ELFN1: variants seen among roughly 807,000 people sequenced by gnomAD.
ELFN1 encodes the protein extracellular leucine rich repeat and fibronectin type III domain containing 1.
ELFN1 carries 6 observed loss-of-function variants against 7.6 expected under a neutral mutation model. The observed-to-expected ratio is 0.79, with a 90% confidence interval of 0.43 to 1.56. The LOEUF (loss-of-function observed/expected upper bound fraction) is 1.56, where lower values mean the gene tolerates loss of function less well. ELFN1 is among the 40% of genes most tolerant of loss of function. ELFN1 has a pLI of 0.01. For synonymous variants in ELFN1, 657 were observed against 588.1 expected, an observed-to-expected ratio of 1.12 and a Z score of -1.70; for missense variants, 1,169 against 1,232.2, an observed-to-expected ratio of 0.95 and a Z score of 0.77.
intron 3 of ELFN1, among the ~76,000 whole-genome samples, chr7:1,731,761 T>C (rs1780329558): frequency 6.6e-6 from 1 of 152,230 alleles, no homozygotes; most frequent in African/African-American, 2.4e-5. Flanking sequence ...ACGATTCTCC[T>C]GTCTCAGCCT....
At chr7:1,724,048 C>T (rs1191635150) in intron 3 of ELFN1, among the ~76,000 whole-genome samples, 1 of 152,244 alleles carries the variant, frequency 6.6e-6, no homozygotes, top group Non-Finnish European at 1.5e-5. Flanking sequence ...AGGCCCCGGC[C>T]CCACCACTTA....
chr7:1,671,586 T>G (rs1004812255), intron 1 of ELFN1, among the ~76,000 whole-genome samples: 1 of 152,190 alleles, frequency 6.6e-6, no homozygotes, highest in Non-Finnish European at 1.5e-5. Context: ...GGCTGCCCCC[T>G]AGAGAGGCCC....
Position 1,746,271 on chromosome 7 carries a change from G to T in ELFN1, c.1675G>T (p.Ala559Ser). 1 of 1,595,546 alleles carries T rather than the reference G, an allele frequency of 6.3e-7. No homozygotes were observed. The highest frequency in any genetic ancestry group is 8.5e-7 in the Non-Finnish European group (1 of 1,172,368). Residue 559 changes from alanine to serine, a missense_variant, in exon 4 of 4, where the codon GCC becomes TCC. Coordinates refer to ENST00000424383, the MANE Select transcript of ELFN1 (RefSeq NM_001128636.4). ...QSSVAEISTI[A>S]KEVDKVNQII... Reference sequence around the variant, plus strand: ...TTCGGTGGCCGAGATCTCCACCATCGCCAAGGAGGTGGACAAGGTCAACCA... The same window carrying T: ...TTCGGTGGCCGAGATCTCCACCATCTCCAAGGAGGTGGACAAGGTCAACCA...
intron 3 of ELFN1, among the ~76,000 whole-genome samples, chr7:1,716,837 G>A (rs1338210504): frequency 6.6e-6 from 1 of 152,186 alleles, no homozygotes; most frequent in Non-Finnish European, 1.5e-5. Flanking sequence ...CTGGCTTGAC[G>A]GCAGCCATGG....
At chr7:1,736,866 C>T (rs1421325709) in intron 3 of ELFN1, among the ~76,000 whole-genome samples, 1 of 152,138 alleles carries the variant, frequency 6.6e-6, no homozygotes, top group African/African-American at 2.4e-5. Flanking sequence ...GAGGGTCTCC[C>T]AGGAGAGGGT....
intron 2 of ELFN1, among the ~76,000 whole-genome samples, chr7:1,707,791 A>G (rs1170578653): frequency 6.6e-6 from 1 of 152,042 alleles, no homozygotes; most frequent in Non-Finnish European, 1.5e-5. Flanking sequence ...CTAACCCACA[A>G]TTTTAGGTAA....
intron 3 of ELFN1, among the ~76,000 whole-genome samples, chr7:1,728,583 C>T (rs531028479): frequency 6.6e-6 from 1 of 152,228 alleles, no homozygotes; most frequent in African/African-American, 2.4e-5. Flanking sequence ...GCTCAGACCC[C>T]CCACCTTTCC....
chr7:1,672,339 G>C (rs934832539), intron 1 of ELFN1, among the ~76,000 whole-genome samples: 1 of 152,100 alleles, frequency 6.6e-6, no homozygotes, highest in Non-Finnish European at 1.5e-5. Flanking sequence ...CCCCACACCT[G>C]GGCCAGGGAG....
chr7:1,738,351 C>A (rs1687769062), intron 3 of ELFN1, among the ~76,000 whole-genome samples: 1 of 152,154 alleles, frequency 6.6e-6, no homozygotes, highest in African/African-American at 2.4e-5. Context: ...ATGCAGGACC[C>A]CCTGTGGGTT....
Position 1,673,036 on chromosome 7 carries a change from G to A in ELFN1, c.-549+2682G>A, listed in dbSNP as rs1583304001. ...AAATTTCCAGGCGTGAACCTGGAGC[G>A]GATGGTGGCACCGCCGCGGACATTG... is the stretch of plus-strand genomic sequence containing the variant. On this transcript the variant is annotated intron_variant, in intron 1 of 3. Coordinates refer to ENST00000424383, the MANE Select transcript of ELFN1 (RefSeq NM_001128636.4). The surrounding 1 kb of genome is among the most constrained non-coding windows in gnomAD (Gnocchi z 4.7). Among the ~76,000 whole-genome samples, 1 of 152,102 alleles carries A rather than the reference G, an allele frequency of 6.6e-6. No individual in the cohort carries two copies. The highest frequency in any genetic ancestry group is 6.5e-5 in the Admixed American group (1 of 15,272).
Position 1,670,301 on chromosome 7 carries a change from T to C in ELFN1, c.-602T>C, listed in dbSNP as rs893488092. Among the ~76,000 whole-genome samples the C allele has an allele frequency of 6.6e-6, 1 of 150,710 alleles. No homozygotes were observed. Among genetic ancestry groups the C allele is most frequent in the African/African-American group, 2.4e-5 (1 of 40,968 alleles). Reference sequence around the variant, plus strand: ...CAATCCCGGGAGCGAAGTTAGAGCTTGAAGGACGGCGGCGGCTGCGGGCGC... The same window carrying C: ...CAATCCCGGGAGCGAAGTTAGAGCTCGAAGGACGGCGGCGGCTGCGGGCGC... On this transcript the variant is annotated 5_prime_UTR_variant, in exon 1 of 4. Coordinates refer to ENST00000424383, the MANE Select transcript of ELFN1 (RefSeq NM_001128636.4). The surrounding 1 kb of genome is among the most constrained non-coding windows in gnomAD (Gnocchi z 6.4).
chr7:1,746,341 C>T lies in ELFN1; in HGVS notation c.1745C>T (p.Ser582Phe), dbSNP rs1562392786. 2 of 1,544,364 alleles carry T rather than the reference C, an allele frequency of 1.3e-6. No individual in the cohort carries two copies. ...GACGCGCTCAAGTCCGAGTCCACCT[C>T]CTTCCAGGGCGTCAAGTCGGGGCCC... is the stretch of plus-strand genomic sequence containing the variant. ...CIDALKSEST[S>F]FQGVKSGPVS... The change falls in exon 4 of 4, where the codon TCC becomes TTC. Residue 582 changes from serine (S) to phenylalanine (F), a missense_variant. By Grantham distance (155) the Ser-to-Phe change is radical. Coordinates refer to ENST00000424383, the MANE Select transcript of ELFN1 (RefSeq NM_001128636.4).
intron 2 of ELFN1, among the ~76,000 whole-genome samples, chr7:1,700,805 C>G (rs775262850): frequency 1.3e-5 from 2 of 152,310 alleles, no homozygotes; most frequent in South Asian, 4.1e-4. Context: ...GCCGGTCTGG[C>G]GGGTGTGTCC....
Position 1,721,682 on chromosome 7 carries a change from C to T in ELFN1, c.-294+12430C>T, listed in dbSNP as rs532161273. 6.6e-5 allele frequency among the ~76,000 whole-genome samples: 10 copies of T among 152,322 alleles called. No homozygotes were observed. In the South Asian group the frequency reaches 2.1e-3, roughly 32 times the overall value. On this transcript the variant is annotated intron_variant, in intron 3 of 3. Transcript: ENST00000424383. ...GTGTTTCCTCAGTGCCCAGAGGAAGCCGGGCCTGTCAGGGTCGAGGAGGGT... is the reference window on the plus strand; with the variant it reads ...GTGTTTCCTCAGTGCCCAGAGGAAGTCGGGCCTGTCAGGGTCGAGGAGGGT...
chr7:1,745,911 T>G lies in ELFN1; in HGVS notation c.1315T>G (p.Cys439Gly). The change falls in exon 4 of 4, where the codon TGC becomes GGC. Residue 439 changes from cysteine (C) to glycine (G), a missense_variant. Transcript: ENST00000424383. Reference protein sequence around the residue: ...MVLVLGAVYYCLRRRRRQEEK... With the variant: ...MVLVLGAVYYGLRRRRRQEEK... ...GCTGGTGCTGGGCGCCGTCTACTAC[T>G]GCCTGCGCAGGCGGCGGCGCCAGGA... is the stretch of plus-strand genomic sequence containing the variant. 3 of 1,579,740 alleles carry G rather than the reference T, an allele frequency of 1.9e-6. No homozygotes were observed. Among genetic ancestry groups the G allele is most frequent in the Non-Finnish European group, 2.6e-6 (3 of 1,164,760 alleles).
intron 3 of ELFN1, among the ~76,000 whole-genome samples, chr7:1,737,632 G>A (rs1341098099): frequency 6.6e-6 from 1 of 152,118 alleles, no homozygotes; most frequent in Non-Finnish European, 1.5e-5. Context: ...TCCATCGGGG[G>A]CATTCCCGCT....
intron 3 of ELFN1, among the ~76,000 whole-genome samples, chr7:1,731,932 G>A (rs1019538103): frequency 6.6e-6 from 1 of 152,234 alleles, no homozygotes; most frequent in Non-Finnish European, 1.5e-5. Flanking sequence ...TTATAAGCAT[G>A]AGCCAGGTGC....
intron 1 of ELFN1, among the ~76,000 whole-genome samples, chr7:1,671,306 C>T (rs536489409): frequency 1.8e-4 from 28 of 152,244 alleles, no homozygotes; most frequent in African/African-American, 6.7e-4. Context: ...ATGATCATGC[C>T]TTCTGAAAAA....
At chr7:1,716,389 G>A (rs1200055661) in intron 3 of ELFN1, among the ~76,000 whole-genome samples, 1 of 152,242 alleles carries the variant, frequency 6.6e-6, no homozygotes, top group Non-Finnish European at 1.5e-5. Flanking sequence ...GCCCTGGCAT[G>A]TGCCCGGCGA....
Sources: allele counts gnomAD v4.1 joint callset (sites outside exome capture counted in the v4.1 genomes callset), GRCh38; gene constraint gnomAD v4.1.1; non-coding constraint Gnocchi (gnomAD v3.1); transcripts MANE v1.5; gene names NCBI Gene and HGNC (gene_info 2026-07-23, HGNC 2026-07-21).